DAB1: variants seen among roughly 807,000 people sequenced by gnomAD.
DAB1 encodes disabled homolog 1.
DAB1 carries 15 observed loss-of-function variants against 64.6 expected under a neutral mutation model. The observed-to-expected ratio is 0.23, with a 90% CI of 0.16 to 0.36. The LOEUF (loss-of-function observed/expected upper bound fraction) is 0.36, where lower values mean the gene tolerates loss of function less well. Among genes scored for constraint, DAB1 ranks in the 10% least tolerant of loss-of-function variants. The pLI is 1.00. For missense variants in DAB1, 596 were observed against 706.7 expected, an observed-to-expected ratio of 0.84 and a Z score of 1.78; for synonymous variants, 235 against 251.9, an observed-to-expected ratio of 0.93 and a Z score of 0.64.
At chr1:57,574,039 A>C (rs1168313346) in intron 7 of DAB1, among the ~76,000 whole-genome samples, 2 of 152,232 alleles carry the variant, frequency 1.3e-5, no homozygotes, top group Non-Finnish European at 2.9e-5. Context: ...TTCTTAGAGA[A>C]GAATGATTCT....
intron 1 of DAB1, among the ~76,000 whole-genome samples, chr1:57,337,560 TG>T (rs932251933): frequency 4.6e-5 from 7 of 151,966 alleles, no homozygotes; most frequent in Non-Finnish European, 8.8e-5. Context: ...GTCTCTCCTA[TG>T]TTTTTTTTCC....
At chr1:57,570,113 G>A (rs950397530) in intron 7 of DAB1, among the ~76,000 whole-genome samples, 19 of 152,248 alleles carry the variant, frequency 1.2e-4, no homozygotes, top group African/African-American at 4.6e-4. Flanking sequence ...TAACATTTGA[G>A]TCAGTCGGCC....
intron 2 of DAB1, among the ~76,000 whole-genome samples, chr1:57,160,922 A>T (rs1307735076): frequency 6.6e-6 from 1 of 152,122 alleles, no homozygotes; most frequent in Non-Finnish European, 1.5e-5. Context: ...AGTTTGAGAC[A>T]ATCCTGAAGG....
chr1:57,816,022 T>C (rs184379847), intron 6 of DAB1, among the ~76,000 whole-genome samples: 1 of 152,322 alleles, frequency 6.6e-6, no homozygotes, highest in African/African-American at 2.4e-5. Flanking sequence ...ACTGGCCATC[T>C]GGATGATATT....
At chr1:57,384,020 A>T (rs1263822548) in intron 1 of DAB1, among the ~76,000 whole-genome samples, 2 of 152,216 alleles carry the variant, frequency 1.3e-5, no homozygotes, top group Non-Finnish European at 2.9e-5. Context: ...AATATCCAGA[A>T]TATATAAAGT....
At chr1:57,229,880 G>A (rs1667542175) in intron 2 of DAB1, among the ~76,000 whole-genome samples, 1 of 152,198 alleles carries the variant, frequency 6.6e-6, no homozygotes, top group Non-Finnish European at 1.5e-5. Context: ...TGTCTGAAAT[G>A]AGGGTTTCTG....
intron 7 of DAB1, among the ~76,000 whole-genome samples, chr1:57,572,261 C>T (rs372290628): frequency 1.3e-5 from 2 of 152,134 alleles, no homozygotes; most frequent in Admixed American, 6.5e-5. Flanking sequence ...TTTAAATCCC[C>T]GCCCCACTAC....
At chr1:57,699,274 T>A (rs983876880) in intron 6 of DAB1, among the ~76,000 whole-genome samples, 1 of 152,174 alleles carries the variant, frequency 6.6e-6, no homozygotes, top group African/African-American at 2.4e-5. Flanking sequence ...ACATGCAACT[T>A]ACTAACATTT....
At chr1:57,223,957 G>C (rs1256428020) in intron 2 of DAB1, among the ~76,000 whole-genome samples, 3 of 152,126 alleles carry the variant, frequency 2.0e-5, no homozygotes, top group African/African-American at 7.2e-5. Flanking sequence ...TCAATTCCTG[G>C]GTCCAGCCCT....
intron 6 of DAB1, among the ~76,000 whole-genome samples, chr1:57,655,658 G>A (rs189124104): frequency 3.3e-5 from 5 of 152,298 alleles, no homozygotes; most frequent in Admixed American, 6.5e-5. Context: ...GTCAGATGGC[G>A]ATAAGTGCCA....
At chr1:57,069,507 A>G in intron 7 of DAB1, 82 bp from the exon 8 acceptor site, 1 of 1,173,074 alleles carries the variant, frequency 8.5e-7, no homozygotes, top group East Asian at 2.3e-5. Context: ...TTAAGATACA[A>G]ATCACAGCGA....
At chr1:57,882,447 A>G (rs1485041110) in intron 1 of DAB1, among the ~76,000 whole-genome samples, 1 of 152,184 alleles carries the variant, frequency 6.6e-6, no homozygotes, top group African/African-American at 2.4e-5. Flanking sequence ...TATTTCTTGC[A>G]CAGACCTCTT....
At chr1:57,453,356 C>G (rs1253154457) in intron 7 of DAB1, among the ~76,000 whole-genome samples, 1 of 152,140 alleles carries the variant, frequency 6.6e-6, no homozygotes, top group Admixed American at 6.5e-5. Context: ...AAATAAGACT[C>G]AAGAAAATGC....
At chr1:57,365,492 A>G (rs1679921642) in intron 1 of DAB1, among the ~76,000 whole-genome samples, 1 of 151,000 alleles carries the variant, frequency 6.6e-6, no homozygotes, top group African/African-American at 2.4e-5. Context: ...AAAATTAAAG[A>G]GTCTAAAGGG....
chr1:57,111,570 A>G (rs1479656522), intron 4 of DAB1, among the ~76,000 whole-genome samples: 1 of 151,942 alleles, frequency 6.6e-6, no homozygotes, highest in Non-Finnish European at 1.5e-5. Context: ...CTAGAATTCA[A>G]CTCTCAGCTT....
chr1:58,357,959 C>G lies in DAB1; in HGVS notation n.258-14556G>C, dbSNP rs1644127288. Among the ~76,000 whole-genome samples, 2 of 152,176 alleles carry G rather than the reference C, an allele frequency of 1.3e-5. 1 individual carries two copies. Among genetic ancestry groups the G allele is most frequent in the South Asian group, 4.1e-4 (2 of 4,828 alleles). On this transcript the variant is annotated intron_variant and non_coding_transcript_variant, in intron 3 of 20. Coordinates refer to the DAB1 transcript ENST00000485760. ...GTCAGCAGTGGTGTTCAACAGTTTTCTTATGTTCCTGTATTGACTGAAGAT... is the reference window on the plus strand; with the variant it reads ...GTCAGCAGTGGTGTTCAACAGTTTTGTTATGTTCCTGTATTGACTGAAGAT...
At chr1:58,539,544 T>C (rs1646571542) in intron 1 of DAB1, among the ~76,000 whole-genome samples, 1 of 152,216 alleles carries the variant, frequency 6.6e-6, no homozygotes. Context: ...ATTTTTTTCA[T>C]TTCATTTTTA....
chr1:58,508,836 G>A (rs1646029400), intron 2 of DAB1, among the ~76,000 whole-genome samples: 1 of 152,084 alleles, frequency 6.6e-6, no homozygotes, highest in Admixed American at 6.6e-5. Context: ...AGCTTCTCCT[G>A]GGGCAGGGCT....
At chr1:57,618,091 C>T (rs1373798014) in intron 7 of DAB1, among the ~76,000 whole-genome samples, 1 of 152,154 alleles carries the variant, frequency 6.6e-6, no homozygotes, top group Admixed American at 6.5e-5. Flanking sequence ...TCTCTGCAGA[C>T]TCCACTGATA....
Sources: gnomAD v4.1 joint callset for allele counts (sites outside exome capture counted in the v4.1 genomes callset) on GRCh38, gnomAD v4.1.1 for gene constraint, MANE v1.5 for transcripts, NCBI Gene and HGNC (gene_info 2026-07-23, HGNC 2026-07-21) for gene names.